Variants in HADH observed in about 807,000 individuals in gnomAD.
HADH encodes hydroxyacyl-coenzyme A dehydrogenase, mitochondrial.
A neutral mutation model predicts 32.2 loss-of-function variants in HADH; 24 were observed. That is an observed-to-expected ratio of 0.75 (90% CI 0.54 to 1.05). The LOEUF (loss-of-function observed/expected upper bound fraction) is 1.05. HADH is among the 50% of genes least tolerant of loss of function. HADH has a pLI of 0.00. For missense variants in HADH, 350 were observed against 397.1 expected (o/e 0.88, Z 1.01); for synonymous variants, 139 against 152.5 (o/e 0.91, Z 0.65).
At position 108,027,699 on chromosome 4, in the gene HADH, G is replaced by A. The variant is rs1361982664; in HGVS notation, c.648G>A (p.Gly216=). The change falls in exon 6 of 8, where the codon GGG becomes GGA. Residue 216 remains glycine, a synonymous_variant. Transcript: ENST00000309522. ...KHPVSCKDTP[G]FIVNRLLVPY... ...GTCTCCCAAAACAGGACACTCCTGG[G>A]TTTATTGTGAACCGCCTCCTGGTTC... 1.9e-6 allele frequency: 3 copies of A among 1,606,460 alleles called. No homozygotes were observed. Among genetic ancestry groups the A allele is most frequent in the Non-Finnish European group, 1.7e-6 (2 of 1,173,176 alleles).
In HADH at chr4:108,034,484, T is replaced by C. The variant is rs1469726801; in HGVS notation, c.*127T>C. On this transcript the variant is annotated 3_prime_UTR_variant, in exon 8 of 8. Transcript: ENST00000309522. ...AGTACAGTTTAATAAATGTGCATTT[T>C]GATTGTAATCTATCGAAGTGATTAT... 1.1e-5 allele frequency: 8 copies of C among 756,022 alleles called. No homozygotes were observed. Among genetic ancestry groups the C allele is most frequent in the Admixed American group, 7.1e-5 (4 of 56,618 alleles). The allele number at this position is 756,022 out of a possible 1,614,324, so 46.8% of individuals were successfully genotyped here.
intron 1 of HADH, among the ~76,000 whole-genome samples, chr4:107,998,353 C>T (rs1029886078): frequency 2.6e-5 from 4 of 152,194 alleles, no homozygotes; most frequent in Non-Finnish European, 4.4e-5. Context: ...GATCTTGGCT[C>T]ACTGCAGTGT....
At chr4:108,008,581 C>T (rs186706494) in intron 1 of HADH, among the ~76,000 whole-genome samples, 113 of 152,248 alleles carry the variant, frequency 7.4e-4, no homozygotes, top group African/African-American at 2.6e-3. Flanking sequence ...TGCCTTGCTT[C>T]AAAAATCTTA....
At chr4:108,033,097 G>C in intron 6 of HADH, 79 bp from the exon 7 acceptor site, 1 of 804,922 alleles carries the variant, frequency 1.2e-6, no homozygotes. Flanking sequence ...TAAAATTCTA[G>C]TAATTCTGGG....
chr4:108,032,557 T>C (rs1445385224), intron 6 of HADH: 1 of 496,410 alleles, frequency 2.0e-6, no homozygotes, highest in East Asian at 2.9e-5. Flanking sequence ...CATTAAATTA[T>C]ACTTTAATAA....
intron 4 of HADH, among the ~76,000 whole-genome samples, chr4:108,021,533 A>G (rs762691981): frequency 1.3e-5 from 2 of 152,140 alleles, no homozygotes; most frequent in Non-Finnish European, 2.9e-5. Flanking sequence ...ATGTATATAT[A>G]TATGTATTTT....
intron 3 of HADH, among the ~76,000 whole-genome samples, chr4:108,017,763 C>T (rs929605004): frequency 6.6e-5 from 10 of 152,040 alleles, no homozygotes; most frequent in Non-Finnish European, 7.4e-5. Flanking sequence ...TGGCCAGGCT[C>T]GTCTCGAACT....
intron 6 of HADH, chr4:108,028,483 CTTCA>C (rs1736139192): frequency 1.1e-5 from 2 of 176,670 alleles, no homozygotes; most frequent in Non-Finnish European, 2.4e-5. Flanking sequence ...TTTTCAATTA[CTTCA>C]TTCATAAATG....
intron 1 of HADH, among the ~76,000 whole-genome samples, chr4:107,995,849 G>A (rs1442129688): frequency 6.6e-6 from 1 of 152,098 alleles, no homozygotes; most frequent in East Asian, 1.9e-4. Flanking sequence ...TGGCTCTCTG[G>A]AATCAGTACA....
intron 4 of HADH, among the ~76,000 whole-genome samples, chr4:108,021,727 G>C (rs1268305609): frequency 1.3e-5 from 2 of 152,148 alleles, no homozygotes; most frequent in African/African-American, 2.4e-5. Flanking sequence ...TTGTCCCCCA[G>C]CTCAGTCTGT....
chr4:108,017,584 C>T (rs1036704885), intron 3 of HADH, among the ~76,000 whole-genome samples: 4 of 149,722 alleles, frequency 2.7e-5, no homozygotes, highest in African/African-American at 7.4e-5. Flanking sequence ...GACGGAGTCT[C>T]GCTCTGTCGC....
chr4:108,033,496 A>G (rs924969404), intron 7 of HADH, among the ~76,000 whole-genome samples: 1 of 151,530 alleles, frequency 6.6e-6, no homozygotes, highest in Non-Finnish European at 1.5e-5. Context: ...GACCTTGAAG[A>G]AAAAAAAACC....
chr4:107,998,391 T>C (rs1735016923), intron 1 of HADH, among the ~76,000 whole-genome samples: 1 of 152,228 alleles, frequency 6.6e-6, no homozygotes, highest in Non-Finnish European at 1.5e-5. Context: ...GCAATTCTTC[T>C]GCCTCAGCCT....
chr4:108,031,608 C>T (rs536963395), intron 6 of HADH: 1 of 152,372 alleles, frequency 6.6e-6, no homozygotes, highest in East Asian at 1.9e-4. Flanking sequence ...ATTATCTTCA[C>T]CTTCCAGGAC....
At chr4:108,019,419 C>T in intron 3 of HADH, 121 bp from the exon 4 acceptor site, 4 of 850,430 alleles carry the variant, frequency 4.7e-6, no homozygotes, top group South Asian at 2.7e-5. Flanking sequence ...CCTCATTCCC[C>T]CAATGGGTCA....
intron 1 of HADH, among the ~76,000 whole-genome samples, chr4:107,990,680 T>TA (rs1734755760): frequency 6.6e-6 from 1 of 151,782 alleles, no homozygotes; most frequent in Non-Finnish European, 1.5e-5. Context: ...ACCTTTGAAA[T>TA]AGTGCCGTCT....
rs1255317684 is a variant in HADH, at chr4:108,035,010, G to GTT, written c.*654_*655insTT. 2 of 153,264 alleles carry GTT rather than the reference G, an allele frequency of 1.3e-5. No individual in the cohort carries two copies. The highest frequency in any genetic ancestry group is 2.4e-5 in the African/African-American group (1 of 41,408). 9.5% of individuals were successfully genotyped at this position (153,264 alleles called of 1,614,324 possible). A position where few individuals can be genotyped will look rare whatever the true frequency, so the allele number is the denominator to read the frequency against. On this transcript the variant is annotated 3_prime_UTR_variant, in exon 8 of 8. Coordinates refer to ENST00000309522, the MANE Select transcript of HADH (RefSeq NM_005327.7). ...ATCTGAATGATTACTGTCTGTCTGT[G>GTT]TCTTTTTTCCATGAGAAATCACTGT... is the stretch of plus-strand genomic sequence containing the variant.
intron 5 of HADH, 128 bp from the exon 6 acceptor site, chr4:108,027,560 G>C (rs1253235608): frequency 2.7e-6 from 2 of 743,146 alleles, no homozygotes; most frequent in Non-Finnish European, 4.9e-6. Context: ...TGCAAATTTT[G>C]AAAATGTACA....
intron 2 of HADH, among the ~76,000 whole-genome samples, chr4:108,010,877 G>A (rs1433591933): frequency 7.2e-6 from 1 of 139,394 alleles, no homozygotes; most frequent in Admixed American, 7.6e-5. Context: ...TTCTGAGACA[G>A]AGTCTCACTC....
Sources: gnomAD v4.1 joint callset for allele counts (sites outside exome capture counted in the v4.1 genomes callset) on GRCh38, gnomAD v4.1.1 for gene constraint, MANE v1.5 for transcripts, NCBI Gene and HGNC (gene_info 2026-07-23, HGNC 2026-07-21) for gene names.